Variants in CUX1 observed in about 807,000 individuals in gnomAD.
CUX1 encodes cut like homeobox 1.
CUX1 carries 31 observed loss-of-function variants against 158.8 expected under a neutral mutation model. That is an observed-to-expected ratio of 0.20 (90% CI 0.15 to 0.26). CUX1 has a LOEUF of 0.26. Ranked by LOEUF, CUX1 falls within the 10% of genes least tolerant of loss-of-function variation. The pLI, the probability that CUX1 is intolerant of heterozygous loss-of-function variation, is 1.00. For synonymous variants in CUX1, 879 were observed against 862.1 expected (o/e 1.02, Z -0.34); for missense variants, 1,589 against 2,014.6 (o/e 0.79, Z 4.04).
At chr7:102,025,622 C>T (rs543775576) in intron 2 of CUX1, among the ~76,000 whole-genome samples, 39 of 148,524 alleles carry the variant, frequency 2.6e-4, no homozygotes, top group Non-Finnish European at 4.8e-4. Context: ...AGCCAGACCC[C>T]GTCTTAGGTG....
intron 20 of CUX1, among the ~76,000 whole-genome samples, chr7:102,281,662 CA>C (rs371692388): frequency 0.047 from 6,896 of 146,792 alleles, 214 homozygotes; most frequent in Middle Eastern, 0.097. Context: ...GACTCTGTCT[CA>C]AAAAAAAAAG....
At chr7:102,283,039 C>A in exon 23 of CUX1, 1 of 1,613,440 alleles carries the variant, frequency 6.2e-7, no homozygotes, top group Non-Finnish European at 8.5e-7. Context: ...ACCACCTGCA[C>A]AAGTTCCACG....
At chr7:101,864,117 G>T (rs967445965) in intron 1 of CUX1, among the ~76,000 whole-genome samples, 5 of 150,920 alleles carry the variant, frequency 3.3e-5, no homozygotes, top group Non-Finnish European at 5.9e-5. Context: ...GTGCACAAGG[G>T]TTCCAATTTC....
chr7:101,952,208 C>T (rs1439774506), intron 2 of CUX1, among the ~76,000 whole-genome samples: 5 of 152,070 alleles, frequency 3.3e-5, no homozygotes, highest in Admixed American at 3.3e-4. Context: ...CATAGCGAGA[C>T]CCCGTCTCTA....
intron 2 of CUX1, among the ~76,000 whole-genome samples, chr7:102,014,583 G>A (rs1016992847): frequency 6.6e-6 from 1 of 152,102 alleles, no homozygotes; most frequent in Non-Finnish European, 1.5e-5. Context: ...CTGCCATCGG[G>A]GATGCTAAAG....
At chr7:102,130,683 A>T (rs1481765334) in intron 8 of CUX1, among the ~76,000 whole-genome samples, 1 of 151,776 alleles carries the variant, frequency 6.6e-6, no homozygotes, top group Admixed American at 6.6e-5. Flanking sequence ...TCCATCTTAT[A>T]AAAAAAATTA....
chr7:102,234,134 T>C lies in CUX1; in HGVS notation c.3516T>C (p.His1172=), dbSNP rs1554531748. The change falls in exon 22 of 24, where the codon CAT becomes CAC. Residue 1172 remains histidine (H), a synonymous_variant. Coordinates refer to ENST00000292535, the MANE Select transcript of CUX1 (RefSeq NM_181552.4). ...SDLLARPKPW[H]KLSLKGREPF... The stretch of plus-strand genomic sequence containing the variant: ...TCCTTGCCCGCCCCAAACCCTGGCA[T>C]AAGCTCAGTCTGAAAGGACGAGAGC... The C allele has an allele frequency of 6.2e-7, 1 of 1,602,812 alleles. No homozygotes were observed. The highest frequency in any genetic ancestry group is 1.3e-5 in the African/African-American group (1 of 74,264).
intron 20 of CUX1, among the ~76,000 whole-genome samples, chr7:102,222,811 C>CTGTTTTTTTTTTTTTTTTTTTTT (rs1797942038): frequency 7.8e-5 from 2 of 25,510 alleles, no homozygotes; most frequent in Admixed American, 1.6e-3. Flanking sequence ...GGCACCGTAT[C>CTGTTTTTTTTTTTTTTTTTTTTT]TTTTTTTTTT....
chr7:102,158,101 TC>T (rs1554505840), intron 8 of CUX1, among the ~76,000 whole-genome samples: 1 of 151,948 alleles, frequency 6.6e-6, no homozygotes, highest in Non-Finnish European at 1.5e-5. Flanking sequence ...AAGTAGCCTT[TC>T]CCCAGCTCCT....
rs188157404 is a variant in CUX1, at chr7:102,141,650, T to G, written c.675-16910T>G. ...CTTTGTTTTGGTTTTTGAGACAGGCTCTCACTCTGTTGCCCAGGCTGTAGT... is the reference window on the plus strand; with the variant it reads ...CTTTGTTTTGGTTTTTGAGACAGGCGCTCACTCTGTTGCCCAGGCTGTAGT... On this transcript the variant is annotated intron_variant, in intron 8 of 23. Coordinates refer to ENST00000292535, the MANE Select transcript of CUX1 (RefSeq NM_181552.4). 3.9e-3 allele frequency among the ~76,000 whole-genome samples: 595 copies of G among 152,222 alleles called. 2 individuals are homozygous for G. Among genetic ancestry groups the G allele is most frequent in the African/African-American group, 0.014 (573 of 41,538 alleles).
At chr7:102,280,159 TCAGCCCAGGG>T in intron 19 of CUX1, 1 of 1,430,572 alleles carries the variant, frequency 7.0e-7, no homozygotes, top group Non-Finnish European at 9.8e-7. Context: ...GGGAGGGGCA[TCAGCCCAGGG>T]AAGCCCAGGG....
At chr7:102,235,600 G>T (rs1397026239) in intron 22 of CUX1, among the ~76,000 whole-genome samples, 1 of 151,860 alleles carries the variant, frequency 6.6e-6, no homozygotes, top group Admixed American at 6.6e-5. Context: ...TACTTGGGAG[G>T]CTGAGGCAGG....
chr7:101,882,221 C>T (rs1334799477), intron 1 of CUX1, among the ~76,000 whole-genome samples: 3 of 152,026 alleles, frequency 2.0e-5, no homozygotes, highest in Non-Finnish European at 4.4e-5. Context: ...TGTTTCCTAG[C>T]AAGAAGCAGA....
At chr7:102,127,870 C>T (rs185258554) in intron 8 of CUX1, among the ~76,000 whole-genome samples, 22 of 151,948 alleles carry the variant, frequency 1.4e-4, no homozygotes, top group Middle Eastern at 3.4e-3. Flanking sequence ...TTGTTTGAGA[C>T]GGAGTCCTGC....
intron 2 of CUX1, among the ~76,000 whole-genome samples, chr7:101,951,564 G>A (rs1809060385): frequency 6.6e-6 from 1 of 151,784 alleles, no homozygotes; most frequent in Non-Finnish European, 1.5e-5. Flanking sequence ...GGAGCGCAGT[G>A]GCATGATCTC....
chr7:102,074,354 G>C (rs1271568872), intron 4 of CUX1, among the ~76,000 whole-genome samples: 1 of 152,236 alleles, frequency 6.6e-6, no homozygotes, highest in Non-Finnish European at 1.5e-5. Flanking sequence ...CACAGGGAGA[G>C]CCGCCAAGCT....
At chr7:102,062,311 G>T (rs1016905884) in intron 3 of CUX1, among the ~76,000 whole-genome samples, 1 of 152,100 alleles carries the variant, frequency 6.6e-6, no homozygotes, top group Admixed American at 6.5e-5. Context: ...AGCGGCAGCA[G>T]CATATTCCAT....
intron 7 of CUX1, among the ~76,000 whole-genome samples, chr7:102,112,462 CG>C (rs1163087977): frequency 2.0e-5 from 3 of 152,122 alleles, no homozygotes; most frequent in Admixed American, 6.5e-5. Context: ...AGGATGGTCT[CG>C]ATCTCTTGAC....
At chr7:101,972,133 AT>A (rs1434930929) in intron 2 of CUX1, among the ~76,000 whole-genome samples, 2 of 151,922 alleles carry the variant, frequency 1.3e-5, no homozygotes, top group Non-Finnish European at 2.9e-5. Flanking sequence ...CGCCCAGCTA[AT>A]TTTTTGTATT....
Sources: allele counts gnomAD v4.1 joint callset (sites outside exome capture counted in the v4.1 genomes callset), GRCh38; gene constraint gnomAD v4.1.1; transcripts MANE v1.5; gene names NCBI Gene and HGNC (gene_info 2026-07-23, HGNC 2026-07-21).